LRRC7: variants seen among roughly 807,000 people sequenced by gnomAD.
LRRC7 encodes leucine rich repeat containing 7.
LRRC7 carries 23 observed loss-of-function variants against 175.7 expected under a neutral mutation model. The observed-to-expected ratio is 0.13, with a 90% CI of 0.09 to 0.19. The LOEUF (loss-of-function observed/expected upper bound fraction) is 0.19, where lower values mean the gene tolerates loss of function less well. LRRC7 is among the 10% of genes least tolerant of loss of function. The pLI is 1.00. For synonymous variants in LRRC7, 685 were observed against 680.9 expected, an observed-to-expected ratio of 1.01 and a Z score of -0.09; for missense variants, 1,354 against 1,904.7, an observed-to-expected ratio of 0.71 and a Z score of 5.38.
intron 2 of LRRC7, among the ~76,000 whole-genome samples, chr1:69,739,957 A>C (rs1668528059): frequency 6.6e-6 from 1 of 152,090 alleles, no homozygotes. Context: ...TTTTATAACT[A>C]TCCAGTGTTT....
intron 7 of LRRC7, among the ~76,000 whole-genome samples, chr1:69,925,640 T>G (rs1223096637): frequency 2.0e-5 from 3 of 152,106 alleles, no homozygotes; most frequent in Non-Finnish European, 4.4e-5. Context: ...TGGGATCAGT[T>G]GTGATATCCC....
At chr1:69,725,151 G>A (rs953295570) in intron 2 of LRRC7, among the ~76,000 whole-genome samples, 2 of 151,992 alleles carry the variant, frequency 1.3e-5, no homozygotes, top group African/African-American at 4.8e-5. Flanking sequence ...AAAAGACAAT[G>A]TTATTTAAAA....
At chr1:69,969,454 G>A (rs759429196) in intron 8 of LRRC7, among the ~76,000 whole-genome samples, 1 of 152,034 alleles carries the variant, frequency 6.6e-6, no homozygotes, top group Non-Finnish European at 1.5e-5. Context: ...CCATGCAAAT[G>A]GACACCAAAT....
rs1666719450 is a variant in LRRC7 at position 70,132,670 on chromosome 1, A to G, written c.*10783A>G. 6.6e-6 allele frequency among the ~76,000 whole-genome samples: 1 copy of G among 151,656 alleles called. No homozygotes were observed. The highest frequency in any genetic ancestry group is 6.6e-5 in the Admixed American group (1 of 15,232). On this transcript the variant is annotated 3_prime_UTR_variant, in exon 27 of 27. Transcript: ENST00000651989. ...GTATTTTTAGTAGAGACGGAGTTTC[A>G]CCTTCTTGGCCAGGTTGGTCTTGAA...
chr1:70,078,549 C>CT (rs1662952073), intron 24 of LRRC7, among the ~76,000 whole-genome samples: 1 of 152,138 alleles, frequency 6.6e-6, no homozygotes, highest in Non-Finnish European at 1.5e-5. Flanking sequence ...TCTTTCATCT[C>CT]TTTTTCTTTT....
chr1:70,059,474 AGTGTGTGTGTGTGTGT>A (rs10542055), intron 23 of LRRC7, among the ~76,000 whole-genome samples: 8 of 132,290 alleles, frequency 6.0e-5, no homozygotes, highest in African/African-American at 1.7e-4. Flanking sequence ...ACTAGAAGAA[AGTGTGTGTGTGTGTGT>A]GTGTGTGTGT....
At chr1:70,057,420 T>G (rs1661236963) in intron 23 of LRRC7, among the ~76,000 whole-genome samples, 1 of 152,218 alleles carries the variant, frequency 6.6e-6, no homozygotes, top group African/African-American at 2.4e-5. Context: ...AATGACATTT[T>G]TAAAAGTTAA....
intron 10 of LRRC7, among the ~76,000 whole-genome samples, chr1:69,990,701 A>G (rs1253502759): frequency 6.6e-6 from 1 of 152,158 alleles, no homozygotes; most frequent in Non-Finnish European, 1.5e-5. Context: ...AGAGGAGGGG[A>G]AAAGTTCTGA....
chr1:69,943,293 G>A (rs1009146893), intron 8 of LRRC7, among the ~76,000 whole-genome samples: 21 of 152,038 alleles, frequency 1.4e-4, no homozygotes, highest in Admixed American at 1.1e-3. Context: ...TTAAAGGTCC[G>A]ATATGTGCTA....
intron 25 of LRRC7, among the ~76,000 whole-genome samples, chr1:70,101,318 T>C (rs1664791873): frequency 2.0e-5 from 3 of 152,188 alleles, no homozygotes; most frequent in African/African-American, 7.2e-5. Flanking sequence ...TTACTTGAGA[T>C]ATAGTCTTTC....
chr1:69,988,902 G>A (rs1229668277), intron 10 of LRRC7, among the ~76,000 whole-genome samples: 1 of 152,138 alleles, frequency 6.6e-6, no homozygotes, highest in Non-Finnish European at 1.5e-5. Flanking sequence ...CCTCACAAAT[G>A]AGCTTGCAAA....
chr1:69,796,809 A>AAAC (rs903793979), intron 4 of LRRC7, among the ~76,000 whole-genome samples: 1 of 151,930 alleles, frequency 6.6e-6, no homozygotes, highest in Admixed American at 6.6e-5. Context: ...AAAAAACAAA[A>AAAC]AACAACAACA....
intron 1 of LRRC7, among the ~76,000 whole-genome samples, chr1:69,585,649 T>C (rs1646375306): frequency 6.6e-6 from 1 of 152,180 alleles, no homozygotes; most frequent in African/African-American, 2.4e-5. Context: ...ATTTGCAACA[T>C]AAACACAAAA....
intron 24 of LRRC7, among the ~76,000 whole-genome samples, chr1:70,078,329 C>T (rs1170596694): frequency 2.6e-5 from 4 of 152,180 alleles, no homozygotes; most frequent in Admixed American, 6.5e-5. Flanking sequence ...TTTCTTAAAG[C>T]TGTTTTCACA....
intron 2 of LRRC7, among the ~76,000 whole-genome samples, chr1:69,710,278 CA>C (rs77553066): frequency 3.4e-4 from 30 of 87,200 alleles, no homozygotes; most frequent in South Asian, 1.9e-3. Flanking sequence ...GACTCCGTCT[CA>C]AAAAAAAAAA....
chr1:69,715,601 A>G (rs1665251238), intron 2 of LRRC7, among the ~76,000 whole-genome samples: 1 of 152,026 alleles, frequency 6.6e-6, no homozygotes, highest in Admixed American at 6.6e-5. Flanking sequence ...ATGCACATAT[A>G]ATAACTAACC....
chr1:69,656,689 A>G (rs1292358618), intron 1 of LRRC7, among the ~76,000 whole-genome samples: 1 of 151,948 alleles, frequency 6.6e-6, no homozygotes, highest in Non-Finnish European at 1.5e-5. Flanking sequence ...TGTTCAAACC[A>G]CTTTAATTGA....
intron 4 of LRRC7, among the ~76,000 whole-genome samples, chr1:69,796,467 C>T (rs1675780745): frequency 6.6e-6 from 1 of 152,068 alleles, no homozygotes; most frequent in African/African-American, 2.4e-5. Context: ...CCCCATCAAC[C>T]AGACAGAGTC....
At chr1:70,024,317 T>TA (rs1657853076) in intron 17 of LRRC7, among the ~76,000 whole-genome samples, 1 of 150,980 alleles carries the variant, frequency 6.6e-6, no homozygotes, top group South Asian at 2.1e-4. Context: ...TATAATATAT[T>TA]AAAAAACAGT....
Sources: allele counts gnomAD v4.1 joint callset (sites outside exome capture counted in the v4.1 genomes callset), GRCh38; gene constraint gnomAD v4.1.1; transcripts MANE v1.5; gene names NCBI Gene and HGNC (gene_info 2026-07-23, HGNC 2026-07-21).